Variants in TVP23C observed in about 807,000 individuals in gnomAD.
TVP23C encodes the protein trans-golgi network vesicle protein 23 homolog C, also known as Golgi apparatus membrane protein TVP23 homolog C.
Under a neutral mutation model 28.7 loss-of-function variants are expected in TVP23C, and 19 were observed. The ratio of observed to expected loss-of-function variants is 0.66; its 90% CI spans 0.46 to 0.97. The LOEUF is 0.97. TVP23C is among the 50% of genes least tolerant of loss of function. The pLI is 0.00. For missense variants in TVP23C, 186 were observed against 241.3 expected (o/e 0.77, Z 1.52); for synonymous variants, 68 against 81.7 (o/e 0.83, Z 0.90).
intron 5 of TVP23C, among the ~76,000 whole-genome samples, chr17:15,528,244 T>C (rs1216766384): frequency 6.6e-6 from 1 of 152,244 alleles, no homozygotes; most frequent in African/African-American, 2.4e-5. Flanking sequence ...CTGTTACGGA[T>C]TTCTCTATAA....
chr17:15,529,576 T>C (rs1271971985), intron 5 of TVP23C, among the ~76,000 whole-genome samples: 1 of 152,218 alleles, frequency 6.6e-6, no homozygotes, highest in African/African-American at 2.4e-5. Context: ...TTCTGATGAA[T>C]TGGTCCTTTT....
intron 5 of TVP23C, among the ~76,000 whole-genome samples, chr17:15,520,409 A>C (rs1982425025): frequency 6.8e-6 from 1 of 147,720 alleles, no homozygotes; most frequent in Non-Finnish European, 1.5e-5. Context: ...TCATCTTCTC[A>C]ACTCAGAGAG....
intron 5 of TVP23C, among the ~76,000 whole-genome samples, chr17:15,520,657 CAT>C (rs772214728): frequency 2.8e-4 from 42 of 152,256 alleles, no homozygotes; most frequent in Non-Finnish European, 3.7e-4. Flanking sequence ...GACATCCACA[CAT>C]GTTCAAACAA....
chr17:15,551,398 G>A (rs899607630), intron 3 of TVP23C, among the ~76,000 whole-genome samples: 18 of 151,530 alleles, frequency 1.2e-4, no homozygotes, highest in African/African-American at 4.1e-4. Context: ...GAGCCACCGC[G>A]CCCAGCCATA....
At chr17:15,502,833 C>T (rs891590382) in exon 6 of TVP23C, 1 of 1,516,452 alleles carries the variant, frequency 6.6e-7, no homozygotes, top group Non-Finnish European at 8.8e-7. Flanking sequence ...TCTCTCTCTC[C>T]TGCGAGGAGC....
intron 5 of TVP23C, among the ~76,000 whole-genome samples, chr17:15,507,998 T>C (rs886601398): frequency 6.6e-6 from 1 of 152,214 alleles, no homozygotes; most frequent in Non-Finnish European, 1.5e-5. Flanking sequence ...GCATAGTGAC[T>C]GCCATATTGT....
At chr17:15,511,057 A>G (rs1265337333) in intron 5 of TVP23C, among the ~76,000 whole-genome samples, 1 of 141,882 alleles carries the variant, frequency 7.0e-6, no homozygotes, top group Non-Finnish European at 1.5e-5. Flanking sequence ...TCGTCTCAAA[A>G]AAAAAAAAAA....
At position 15,523,779 on chromosome 17, in the gene TVP23C, A is replaced by G. The variant is rs1297892754; in HGVS notation, c.463-20547T>C. On this transcript the variant is annotated intron_variant, in intron 5 of 5. Transcript: ENST00000225576. ...CAGGCGCCCGCCACCATGCCCGGCTAATTTTTTGTATTTTTAGTAGAGACG... is the reference window on the plus strand; with the variant it reads ...CAGGCGCCCGCCACCATGCCCGGCTGATTTTTTGTATTTTTAGTAGAGACG... Among the ~76,000 whole-genome samples, 4 of 151,622 alleles carry G rather than the reference A, an allele frequency of 2.6e-5. No individual in the cohort carries two copies. In the East Asian group the frequency reaches 5.9e-4, roughly 22 times the overall value.
chr17:15,526,430 G>A (rs1013323109), intron 5 of TVP23C, among the ~76,000 whole-genome samples: 2 of 152,210 alleles, frequency 1.3e-5, no homozygotes, highest in Admixed American at 1.3e-4. Flanking sequence ...GGTTTGCCGA[G>A]ATCAGGAAGC....
chr17:15,524,035 AGTGTTTGTT>A (rs902486950), intron 5 of TVP23C, among the ~76,000 whole-genome samples: 2 of 150,184 alleles, frequency 1.3e-5, no homozygotes, highest in African/African-American at 4.9e-5. Context: ...AGAACAACAA[AGTGTTTGTT>A]GTGGTTGTAG....
At chr17:15,526,171 A>G (rs2654407) in intron 5 of TVP23C, among the ~76,000 whole-genome samples, 2 of 82,604 alleles carry the variant, frequency 2.4e-5, no homozygotes, top group Admixed American at 1.1e-4. Context: ...TTACAGCTTC[A>G]ACTCTGCTCT....
intron 5 of TVP23C, 94 bp downstream of exon 5, chr17:15,545,691 C>T (rs1342553616): frequency 1.5e-5 from 22 of 1,489,972 alleles, no homozygotes; most frequent in Admixed American, 2.3e-5. Context: ...CAAGATAGGT[C>T]CCTAATGATA....
chr17:15,538,164 C>T lies in TVP23C; in HGVS notation c.*2248G>A, dbSNP rs768312526. ...ATCATCTCCAGTGTTCCGCAAAAGA[C>T]AAAAAAAGAACTCCTTAACATCAAA... On this transcript the variant is annotated 3_prime_UTR_variant, in exon 6 of 6. Transcript: ENST00000518321. 2 of 1,604,704 alleles carry T rather than the reference C, an allele frequency of 1.2e-6. No individual in the cohort carries two copies. The highest frequency in any genetic ancestry group is 1.7e-6 in the Non-Finnish European group (2 of 1,174,558).
In TVP23C at chr17:15,545,890, C is replaced by T; in HGVS notation, c.357G>A (p.Val119=). The T allele has an allele frequency of 1.2e-6, 2 of 1,614,072 alleles. No individual in the cohort carries two copies. Among genetic ancestry groups the T allele is most frequent in the Non-Finnish European group, 1.7e-6 (2 of 1,179,956 alleles). Residue 119 remains valine (V), a synonymous_variant, in exon 5 of 6, where the codon GTG becomes GTA. Transcript: ENST00000518321. ...RKESSQENKT[V]SEAESRIFWL... is the part of the protein sequence containing the mutation. ...AAAAGATTCTTGATTCAGCCTCTGACACAGTTTTATTCTCTTGAGAGGACT... is the reference window on the plus strand; with the variant it reads ...AAAAGATTCTTGATTCAGCCTCTGATACAGTTTTATTCTCTTGAGAGGACT...
rs1983995144 is a variant in TVP23C, at chr17:15,553,667, A to T, written c.240+18T>A. On this transcript the variant is annotated intron_variant, in intron 3 of 5. Coordinates refer to ENST00000518321, the MANE Select transcript of TVP23C (RefSeq NM_001135036.2). Reference sequence around the variant, plus strand: ...TTCATATTAAATATAATTTTAAAATAAAAACAATCAAAATTACCTTCACTG... The same window carrying T: ...TTCATATTAAATATAATTTTAAAATTAAAACAATCAAAATTACCTTCACTG... 6.3e-7 allele frequency: 1 copy of T among 1,581,298 alleles called. No homozygotes were observed. Among genetic ancestry groups the T allele is most frequent in the Non-Finnish European group, 8.5e-7 (1 of 1,171,212 alleles).
At chr17:15,518,997 T>C (rs920886890) in intron 5 of TVP23C, among the ~76,000 whole-genome samples, 5 of 152,242 alleles carry the variant, frequency 3.3e-5, no homozygotes, top group East Asian at 1.9e-4. Context: ...TGTGTCGCAG[T>C]TCCCCACTCT....
At chr17:15,555,163 A>C in intron 2 of TVP23C, 119 bp downstream of exon 2, 1 of 1,312,930 alleles carries the variant, frequency 7.6e-7, no homozygotes, top group Middle Eastern at 1.9e-4. Flanking sequence ...TTAAATTAGC[A>C]ACATGCAGTA....
chr17:15,504,681 G>A (rs1042176776), intron 5 of TVP23C, among the ~76,000 whole-genome samples: 6 of 151,958 alleles, frequency 3.9e-5, no homozygotes, highest in African/African-American at 1.2e-4. Flanking sequence ...CTACAGGCAC[G>A]CACCACCATG....
intron 5 of TVP23C, among the ~76,000 whole-genome samples, chr17:15,525,585 CCT>C: frequency 6.6e-6 from 1 of 152,348 alleles, no homozygotes; most frequent in South Asian, 2.1e-4. Context: ...AGAGTTCCAG[CCT>C]GCTGGCCTGC....
Sources: allele counts gnomAD v4.1 joint callset (sites outside exome capture counted in the v4.1 genomes callset), GRCh38; gene constraint gnomAD v4.1.1; transcripts MANE v1.5; gene names NCBI Gene and HGNC (gene_info 2026-07-23, HGNC 2026-07-21).